CPNE8: variants seen among roughly 807,000 people sequenced by gnomAD.
CPNE8 encodes the protein copine-8.
A neutral mutation model predicts 81.5 loss-of-function variants in CPNE8; 45 were observed. The observed-to-expected ratio is 0.55, with a 90% CI of 0.44 to 0.71. The LOEUF (loss-of-function observed/expected upper bound fraction) is 0.71, where lower values mean the gene tolerates loss of function less well. Ranked by LOEUF, CPNE8 falls within the 30% of genes least tolerant of loss-of-function variation. The pLI is 0.00. For missense variants in CPNE8, 594 were observed against 672.1 expected (o/e 0.88, Z 1.28); for synonymous variants, 252 against 226.3 (o/e 1.11, Z -1.02).
intron 19 of CPNE8, among the ~76,000 whole-genome samples, chr12:38,658,446 G>A (rs867347357): frequency 2.6e-5 from 4 of 152,162 alleles, no homozygotes; most frequent in Admixed American, 1.3e-4. Flanking sequence ...AAAGTGACAG[G>A]AAAAATGGAA....
intron 10 of CPNE8, among the ~76,000 whole-genome samples, chr12:38,753,247 T>G (rs1187803424): frequency 6.6e-6 from 1 of 151,058 alleles, no homozygotes; most frequent in African/African-American, 2.4e-5. Flanking sequence ...AGCTCAGGAG[T>G]TTGAGACAAG....
intron 15 of CPNE8, among the ~76,000 whole-genome samples, chr12:38,691,613 G>A (rs1939677666): frequency 6.6e-6 from 1 of 151,842 alleles, no homozygotes; most frequent in African/African-American, 2.4e-5. Flanking sequence ...CATCAATGTG[G>A]GAGACTATTT....
At chr12:38,874,131 A>G (rs1254883496) in intron 2 of CPNE8, among the ~76,000 whole-genome samples, 2 of 152,086 alleles carry the variant, frequency 1.3e-5, no homozygotes, top group African/African-American at 2.4e-5. Flanking sequence ...AAGAAAAAAA[A>G]GAAACGTATT....
chr12:38,796,851 C>T (rs374732318), intron 6 of CPNE8, among the ~76,000 whole-genome samples: 7 of 152,264 alleles, frequency 4.6e-5, no homozygotes, highest in East Asian at 3.9e-4. Flanking sequence ...CCTAATACTG[C>T]GCTTTTCCGA....
At chr12:38,849,407 TTC>T in intron 3 of CPNE8, among the ~76,000 whole-genome samples, 1 of 150,414 alleles carries the variant, frequency 6.6e-6, no homozygotes, top group Non-Finnish European at 1.5e-5. Flanking sequence ...TTGGCTTACA[TTC>T]TTCCCTTCCA....
chr12:38,702,867 ACACT>A lies in CPNE8; in HGVS notation c.961+4_961+7del. ...TGATTTTTATCAGGGGATAATCAAA[ACACT>A]CACCGTTTGATGCTGTAAAATCAAT... On this transcript the variant is annotated splice_donor_5th_base_variant and intron_variant, in intron 14 of 19. Coordinates refer to ENST00000331366, the MANE Select transcript of CPNE8 (RefSeq NM_153634.3). 6.6e-7 allele frequency: 1 copy of A among 1,522,676 alleles called. No individual in the cohort carries two copies. Among genetic ancestry groups the A allele is most frequent in the South Asian group, 1.3e-5 (1 of 76,484 alleles). The allele number at this position is 1,522,676 out of a possible 1,614,324, so 94.3% of individuals were successfully genotyped here.
chr12:38,802,697 C>T (rs546203842), intron 6 of CPNE8, among the ~76,000 whole-genome samples: 6 of 151,802 alleles, frequency 4.0e-5, no homozygotes, highest in Admixed American at 3.3e-4. Flanking sequence ...AAAACCCTTC[C>T]AAAAATCAAT....
At chr12:38,771,351 G>A (rs1452852429) in intron 7 of CPNE8, among the ~76,000 whole-genome samples, 1 of 148,714 alleles carries the variant, frequency 6.7e-6, no homozygotes, top group Non-Finnish European at 1.5e-5. Flanking sequence ...TATGTTCCCA[G>A]CTAGGAGGGA....
intron 10 of CPNE8, among the ~76,000 whole-genome samples, chr12:38,742,008 A>T (rs1425269133): frequency 6.6e-6 from 1 of 152,210 alleles, no homozygotes; most frequent in Admixed American, 6.5e-5. Flanking sequence ...GGCGATCATT[A>T]AAAAGTCAGG....
intron 6 of CPNE8, among the ~76,000 whole-genome samples, chr12:38,781,672 C>T (rs1027474007): frequency 2.0e-5 from 3 of 151,962 alleles, no homozygotes; most frequent in Admixed American, 6.6e-5. Context: ...GATAAATACA[C>T]CATTATGTTG....
chr12:38,838,556 T>G (rs971353508), intron 5 of CPNE8, among the ~76,000 whole-genome samples: 3 of 152,206 alleles, frequency 2.0e-5, no homozygotes, highest in Admixed American at 6.5e-5. Flanking sequence ...TTTAGGACAT[T>G]TGCAAAACTT....
chr12:38,760,568 T>G (rs1941553611), intron 10 of CPNE8, among the ~76,000 whole-genome samples: 1 of 151,756 alleles, frequency 6.6e-6, no homozygotes, highest in Non-Finnish European at 1.5e-5. Context: ...ATGCAGAAAT[T>G]TGATACTCAC....
intron 6 of CPNE8, among the ~76,000 whole-genome samples, chr12:38,805,668 A>AG (rs1340292230): frequency 0.035 from 1,360 of 38,524 alleles, 37 homozygotes; most frequent in African/African-American, 0.05. Context: ...TAATAAAAAA[A>AG]AAAAACATTA....
intron 13 of CPNE8, among the ~76,000 whole-genome samples, chr12:38,722,201 A>G (rs1262188942): frequency 6.6e-6 from 1 of 152,194 alleles, no homozygotes; most frequent in Non-Finnish European, 1.5e-5. Context: ...TTTATGACAA[A>G]TTCAACATTC....
intron 5 of CPNE8, among the ~76,000 whole-genome samples, chr12:38,837,568 T>C (rs1219400835): frequency 2.0e-5 from 3 of 151,958 alleles, no homozygotes; most frequent in Non-Finnish European, 4.4e-5. Flanking sequence ...GAAAAAATAA[T>C]ATTTAGGGAT....
intron 13 of CPNE8, among the ~76,000 whole-genome samples, chr12:38,703,315 A>G (rs1386049990): frequency 6.6e-6 from 1 of 152,138 alleles, no homozygotes; most frequent in Non-Finnish European, 1.5e-5. Flanking sequence ...CATGTCCTTT[A>G]AAGTGTTGCA....
At chr12:38,862,168 T>G (rs574984786) in intron 3 of CPNE8, among the ~76,000 whole-genome samples, 3 of 151,974 alleles carry the variant, frequency 2.0e-5, no homozygotes, top group Non-Finnish European at 4.4e-5. Context: ...ACAGAAAAAA[T>G]ATAATGAAAT....
rs1938752501 is a variant in CPNE8 at position 38,653,626 on chromosome 12, A to AAAAAAAAAAAAT, written c.*255_*256insATTTTTTTTTTT. The AAAAAAAAAAAAT allele has an allele frequency of 6.8e-6, 2 of 294,314 alleles. No homozygotes were observed. Among genetic ancestry groups the AAAAAAAAAAAAT allele is most frequent in the African/African-American group, 2.1e-5 (1 of 47,162 alleles). The allele number at this position is 294,314 out of a possible 1,614,324, so 18.2% of individuals were successfully genotyped here. ...AATTAGCTGTTTCTGTTAAAAAAAA[A>AAAAAAAAAAAAT]AAGAAAGAAAGATTTAGAGAAGACA... is the stretch of plus-strand genomic sequence containing the variant. On this transcript the variant is annotated 3_prime_UTR_variant, in exon 20 of 20. Coordinates refer to ENST00000331366, the MANE Select transcript of CPNE8 (RefSeq NM_153634.3).
At chr12:38,752,206 C>T (rs1382131448) in intron 10 of CPNE8, among the ~76,000 whole-genome samples, 1 of 152,084 alleles carries the variant, frequency 6.6e-6, no homozygotes, top group African/African-American at 2.4e-5. Context: ...CAAGAGTTGG[C>T]AACTGATTGG....
Sources: allele counts gnomAD v4.1 joint callset (sites outside exome capture counted in the v4.1 genomes callset), GRCh38; gene constraint gnomAD v4.1.1; transcripts MANE v1.5; gene names NCBI Gene and HGNC (gene_info 2026-07-23, HGNC 2026-07-21).